Variants in ANKRD33 observed in about 807,000 individuals in gnomAD.
ANKRD33 encodes ankyrin repeat domain 33.
A neutral mutation model predicts 20.6 loss-of-function variants in ANKRD33; 20 were observed. The ratio of observed to expected loss-of-function variants is 0.97; its 90% CI spans 0.68 to 1.41. The LOEUF is 1.41. Ranked by LOEUF, ANKRD33 falls within the 40% of genes most tolerant of loss-of-function variation. The probability of loss-of-function intolerance (pLI) is 0.00; values close to 1 mark genes in which losing one functional copy is unlikely to be tolerated. For missense variants in ANKRD33, 545 were observed against 579.6 expected, an observed-to-expected ratio of 0.94 and a Z score of 0.61; for synonymous variants, 246 against 245.0, an observed-to-expected ratio of 1.00 and a Z score of -0.04.
rs1940416410 is a variant in ANKRD33 at position 51,891,124 on chromosome 12, C to G, written c.1178C>G (p.Thr393Ser). The change falls in exon 5 of 5, where the codon ACC (threonine) becomes AGC (serine). Residue 393 changes from threonine (T) to serine (S), a missense_variant. By Grantham distance (58) the Thr-to-Ser change is moderately conservative. Transcript: ENST00000301190. ...CAGTGGCTACAACCCAGGGATAGCA[C>G]CAGCCCCAGGCCCCAAGTCCCCAAG... is the stretch of plus-strand genomic sequence containing the variant. ...CLQWLQPRDS[T>S]SPRPQVPKIL... 2 of 1,614,114 alleles carry G rather than the reference C, an allele frequency of 1.2e-6. No individual in the cohort carries two copies. Among genetic ancestry groups the G allele is most frequent in the Non-Finnish European group, 8.5e-7 (1 of 1,180,054 alleles).
At chr12:51,890,216 C>T (rs550373976) in intron 4 of ANKRD33, 1 of 407,994 alleles carries the variant, frequency 2.5e-6, no homozygotes, top group African/African-American at 2.0e-5. Flanking sequence ...AAGAGAAGAA[C>T]CAGGAGAGGG....
rs201325706 is a variant in ANKRD33, at chr12:51,890,956, C to T, written c.1010C>T (p.Thr337Ile). The T allele has an allele frequency of 8.7e-6, 14 of 1,613,524 alleles. No homozygotes were observed. Among genetic ancestry groups the T allele is most frequent in the Admixed American group, 1.7e-5 (1 of 60,004 alleles). Residue 337 changes from threonine to isoleucine, a missense_variant, in exon 5 of 5, where the codon ACC (threonine) becomes ATC (isoleucine). Transcript: ENST00000301190. ...CCTGACCATCCACCTTCGCTGGGCA[C>T]CCGAAGCAAGTCCGTGCCAGAGCTG... Reference protein sequence around the residue: ...LCPDHPPSLGTRSKSVPELLG... With the variant: ...LCPDHPPSLGIRSKSVPELLG...
intron 1 of ANKRD33, 113 bp from the exon 2 acceptor site, chr12:51,888,455 C>G: frequency 6.4e-7 from 1 of 1,566,354 alleles, no homozygotes; most frequent in Admixed American, 2.1e-5. Context: ...GGGCGAGACC[C>G]CTGCTGGGAT....
rs778565810 is a variant in ANKRD33 at position 51,890,984 on chromosome 12, A to T, written c.1038A>T (p.Leu346Phe). 21 of 1,613,428 alleles carry T rather than the reference A, an allele frequency of 1.3e-5. No homozygotes were observed. The South Asian group carries it at 1.8e-4, about 13-fold the overall frequency. ...GTRSKSVPEL[L>F]GTAPPPPLVP... ...GAAGCAAGTCCGTGCCAGAGCTGTTAGGTACTGCCCCGCCCCCTCCCCTGG... is the reference window on the plus strand; with the variant it reads ...GAAGCAAGTCCGTGCCAGAGCTGTTTGGTACTGCCCCGCCCCCTCCCCTGG... Residue 346 changes from leucine (L) to phenylalanine (F), a missense_variant, in exon 5 of 5, where the codon TTA becomes TTT. Transcript: ENST00000301190.
intron 4 of ANKRD33, 66 bp downstream of exon 4, chr12:51,889,548 G>C (rs747875836): frequency 6.3e-7 from 1 of 1,576,426 alleles, no homozygotes; most frequent in Non-Finnish European, 8.6e-7. Flanking sequence ...GTGGCCTCCA[G>C]TCCCTCCTCC....
chr12:51,889,650 G>A lies in ANKRD33; in HGVS notation c.637+168G>A, dbSNP rs73109600. On this transcript the variant is annotated intron_variant, in intron 4 of 4. Transcript: ENST00000301190. Reference sequence around the variant, plus strand: ...GATCAATCTAGTTCACCTTCCTGGAGGGGGGGGCACATGATTTGGGCTTCG... The same window carrying A: ...GATCAATCTAGTTCACCTTCCTGGAAGGGGGGGCACATGATTTGGGCTTCG... 1,933 of 1,241,866 alleles carry A rather than the reference G, an allele frequency of 1.6e-3. 3 individuals carry two copies. Among genetic ancestry groups the A allele is most frequent in the Non-Finnish European group, 1.9e-3 (1,732 of 924,988 alleles). 76.9% of individuals were successfully genotyped at this position (1,241,866 alleles called of 1,614,324 possible). A position where few individuals can be genotyped will look rare whatever the true frequency, so the allele number is the denominator to read the frequency against.
In ANKRD33 at chr12:51,891,080, C is replaced by A; in HGVS notation, c.1134C>A (p.Gly378=). ...WVFVPYQSPQ[G]ILSKCLQWLQ... The stretch of plus-strand genomic sequence containing the variant: ...TCGTCCCCTACCAGAGCCCTCAGGG[C>A]ATATTGAGCAAGTGCCTTCAGTGGC... The change falls in exon 5 of 5, where the codon GGC becomes GGA. Residue 378 remains glycine, a synonymous_variant. Coordinates refer to ENST00000301190, the MANE Select transcript of ANKRD33 (RefSeq NM_182608.4). 6.2e-7 allele frequency: 1 copy of A among 1,614,072 alleles called. No individual in the cohort carries two copies.
chr12:51,891,383 G>C lies in ANKRD33; in HGVS notation c.*78G>C. The C allele has an allele frequency of 6.6e-6, 10 of 1,517,618 alleles. No homozygotes were observed. Among genetic ancestry groups the C allele is most frequent in the Non-Finnish European group, 8.8e-6 (10 of 1,131,774 alleles). 94.0% of individuals were successfully genotyped at this position (1,517,618 alleles called of 1,614,324 possible). On this transcript the variant is annotated 3_prime_UTR_variant, in exon 5 of 5. Transcript: ENST00000301190. ...CTTCTTTCCCCTCTGGAGTGCCTCC[G>C]GCCTCCCCATCCACCTCTGCCTAAG...
chr12:51,889,656 G>T, intron 4 of ANKRD33, 174 bp downstream of exon 4: 2 of 1,259,552 alleles, frequency 1.6e-6, no homozygotes, highest in South Asian at 1.6e-5. Context: ...TGGAGGGGGG[G>T]GCACATGATT....
chr12:51,891,051 GT>G lies in ANKRD33; in HGVS notation c.1106del (p.Val369AlafsTer12). On this transcript the variant is annotated frameshift_variant, in exon 5 of 5. Coordinates refer to ENST00000301190, the MANE Select transcript of ANKRD33 (RefSeq NM_182608.4). LOFTEE classifies it low-confidence loss of function (END_TRUNC). The part of the protein sequence containing the change: ...PPGSPQRSPW[V>X]FVPYQSPQGI... ...AGGGAGTCCCCAGAGGTCCCCGTGGGTCTTCGTCCCCTACCAGAGCCCTCAG... is the reference window on the plus strand; with the variant it reads ...AGGGAGTCCCCAGAGGTCCCCGTGGGCTTCGTCCCCTACCAGAGCCCTCAG... The G allele has an allele frequency of 6.2e-7, 1 of 1,614,080 alleles. No individual in the cohort carries two copies. Among genetic ancestry groups the G allele is most frequent in the Non-Finnish European group, 8.5e-7 (1 of 1,180,018 alleles).
rs1940394780 is a variant in ANKRD33 at position 51,890,732 on chromosome 12, G to A, written c.786G>A (p.Glu262=). ...VEQLSQHYKP[E]WPALSGLVAQ... ...AGCTTAGCCAGCACTACAAGCCCGA[G>A]TGGCCGGCCTTGTCCGGGCTCGTGG... The change falls in exon 5 of 5, where the codon GAG becomes GAA. Residue 262 remains glutamate (E), a synonymous_variant. Coordinates refer to ENST00000301190, the MANE Select transcript of ANKRD33 (RefSeq NM_182608.4). 6.2e-7 allele frequency: 1 copy of A among 1,604,102 alleles called. No homozygotes were observed. Among genetic ancestry groups the A allele is most frequent in the South Asian group, 1.1e-5 (1 of 91,080 alleles).
At chr12:51,890,240 TC>T in intron 4 of ANKRD33, 1 of 448,364 alleles carries the variant, frequency 2.2e-6, no homozygotes, top group South Asian at 2.1e-5. Context: ...CAGCCGATCA[TC>T]CCCACCCACC....
intron 4 of ANKRD33, chr12:51,889,782 A>G (rs1477653427): frequency 4.2e-6 from 2 of 471,232 alleles, no homozygotes; most frequent in South Asian, 2.7e-5. Context: ...TCTAACACGA[A>G]AAAAGGCTGG....
Position 51,890,586 on chromosome 12 carries a change from G to A in ANKRD33, c.640G>A (p.Ala214Thr). The A allele has an allele frequency of 6.2e-7, 1 of 1,610,046 alleles. No individual in the cohort carries two copies. Among genetic ancestry groups the A allele is most frequent in the Non-Finnish European group, 8.5e-7 (1 of 1,179,532 alleles). ...LMKAAMRNRCADLTAVDPVRG... is the reference protein window; with the variant it reads ...LMKAAMRNRCTDLTAVDPVRG... ...TCACCCCCTGTGCTCCTTCCCAGGT[G>A]CTGACCTGACAGCAGTGGACCCTGT... Residue 214 changes from alanine to threonine, a missense_variant and splice_region_variant, in exon 5 of 5, where the codon GCT becomes ACT. Ala to Thr is a moderately conservative substitution (Grantham distance 58). Coordinates refer to ENST00000301190, the MANE Select transcript of ANKRD33 (RefSeq NM_182608.4).
Position 51,888,259 on chromosome 12 carries a change from C to G in ANKRD33, c.73C>G (p.Pro25Ala). 3 of 1,614,212 alleles carry G rather than the reference C, an allele frequency of 1.9e-6. No homozygotes were observed. The highest frequency in any genetic ancestry group is 8.5e-7 in the Non-Finnish European group (1 of 1,180,034). ...AGTCCACCTGGAGGCATTCGGAGAC[C>G]CAGTGATTGTGCTCCGCGGAGCCTG... ...GIVHLEAFGD[P>A]VIVLRGAWAV... Residue 25 changes from proline to alanine, a missense_variant, in exon 1 of 5, where the codon CCA (proline) becomes GCA (alanine). Physicochemically the swap from Pro to Ala is conservative, Grantham distance 27. Coordinates refer to ENST00000301190, the MANE Select transcript of ANKRD33 (RefSeq NM_182608.4).
rs746986195 is a variant in ANKRD33, at chr12:51,890,930, C to T, written c.984C>T (p.Cys328=). Residue 328 remains cysteine, a synonymous_variant, in exon 5 of 5, where the codon TGC becomes TGT. Transcript: ENST00000301190. ...PFVTTACHTL[C]PDHPPSLGTR... ...TCACCACTGCCTGCCACACTCTGTG[C>T]CCTGACCATCCACCTTCGCTGGGCA... 6.2e-6 allele frequency: 10 copies of T among 1,613,536 alleles called. No homozygotes were observed. Among genetic ancestry groups the T allele is most frequent in the Non-Finnish European group, 8.5e-6 (10 of 1,180,034 alleles).
chr12:51,890,884 C>A lies in ANKRD33; in HGVS notation c.938C>A (p.Thr313Asn), dbSNP rs12368048. The change falls in exon 5 of 5, where the codon ACC becomes AAC. Residue 313 changes from threonine (T) to asparagine (N), a missense_variant. By Grantham distance (65) the Thr-to-Asn change is moderately conservative. Coordinates refer to ENST00000301190, the MANE Select transcript of ANKRD33 (RefSeq NM_182608.4). ...CTGGACCACCTTGTGACTGCCACAACCAGCCTGGCCAGTCCCTTCGTCACC... is the reference window on the plus strand; with the variant it reads ...CTGGACCACCTTGTGACTGCCACAAACAGCCTGGCCAGTCCCTTCGTCACC... ...GVLDHLVTAT[T>N]SLASPFVTTA... 360,549 of 1,612,984 alleles carry A rather than the reference C, an allele frequency of 0.22. 42,294 individuals carry two copies. Among genetic ancestry groups the A allele is most frequent in the Non-Finnish European group, 0.24 (280,964 of 1,179,840 alleles).
At chr12:51,888,547 C>A in intron 1 of ANKRD33, 21 bp from the exon 2 acceptor site, 2 of 1,546,010 alleles carry the variant, frequency 1.3e-6, no homozygotes, top group South Asian at 2.5e-5. Flanking sequence ...ACTCACTACT[C>A]CTCTCCATTC....
In ANKRD33 at chr12:51,888,181, C is replaced by G. The variant is rs772496118; in HGVS notation, c.-6C>G. The G allele has an allele frequency of 6.2e-7, 1 of 1,613,730 alleles. No homozygotes were observed. The highest frequency in any genetic ancestry group is 8.5e-7 in the Non-Finnish European group (1 of 1,179,876). On this transcript the variant is annotated 5_prime_UTR_variant, in exon 1 of 5. Transcript: ENST00000301190. ...CTCAGCCCCGAGGTGTTTGCAGCAG[C>G]TCTTTATGAAAGTCCAGCCATCTGT... is the stretch of plus-strand genomic sequence containing the variant.
Sources: gnomAD v4.1 joint callset for allele counts on GRCh38, gnomAD v4.1.1 for gene constraint, MANE v1.5 for transcripts, NCBI Gene and HGNC (gene_info 2026-07-23, HGNC 2026-07-21) for gene names.